The following RGS6 variants were observed in gnomAD, a reference collection of about 807,000 sequenced individuals.
RGS6 encodes the protein regulator of G protein signaling 6.
Under a neutral mutation model 78.5 loss-of-function variants are expected in RGS6, and 30 were observed. The observed-to-expected ratio is 0.38, with a 90% CI of 0.29 to 0.52. The LOEUF is 0.52. Among genes scored for constraint, RGS6 ranks in the 20% least tolerant of loss-of-function variants. RGS6 has a pLI of 0.85. For synonymous variants in RGS6, 206 were observed against 206.0 expected (o/e 1.00, Z 0.00); for missense variants, 495 against 609.7 (o/e 0.81, Z 1.98).
At chr14:71,867,617 G>A in the RGS6 span, among the ~76,000 whole-genome samples, 5 of 152,178 alleles carry the variant, frequency 3.3e-5, no homozygotes, top group African/African-American at 1.2e-4. Context: ...GAATGTCTTC[G>A]AGAGGGGTAG....
At chr14:72,592,598 C>A in the RGS6 span, among the ~76,000 whole-genome samples, 3 of 152,202 alleles carry the variant, frequency 2.0e-5, no homozygotes, top group African/African-American at 4.8e-5. Context: ...AATGGTCTGG[C>A]TTTTCAAGAT....
intron 2 of RGS6, among the ~76,000 whole-genome samples, chr14:72,348,052 A>T (rs1328356831): frequency 6.6e-6 from 1 of 152,224 alleles, no homozygotes; most frequent in Non-Finnish European, 1.5e-5. Flanking sequence ...TAACCTTGGC[A>T]TATGGCGCTG....
chr14:72,193,128 G>A (rs947751129), intron 2 of RGS6, among the ~76,000 whole-genome samples: 1 of 151,994 alleles, frequency 6.6e-6, no homozygotes, highest in African/African-American at 2.4e-5. Context: ...CAAGTAGCTG[G>A]GACTACAGAC....
chr14:71,984,484 GA>G (rs370779936), intron 2 of RGS6, among the ~76,000 whole-genome samples: 8 of 117,432 alleles, frequency 6.8e-5, no homozygotes, highest in Non-Finnish European at 9.8e-5. Flanking sequence ...GTCTCAAAAA[GA>G]AAAAAAAAAA....
At chr14:72,396,282 G>A (rs1194286690) in intron 3 of RGS6, among the ~76,000 whole-genome samples, 1 of 152,162 alleles carries the variant, frequency 6.6e-6, no homozygotes, top group Non-Finnish European at 1.5e-5. Context: ...TTTCTCTGAT[G>A]GCCAGTGATG....
intron 2 of RGS6, among the ~76,000 whole-genome samples, chr14:72,118,269 C>T (rs2095956444): frequency 6.6e-6 from 1 of 152,012 alleles, no homozygotes. Context: ...GCTAAAATAC[C>T]CTCCTGTCCA....
intron 2 of RGS6, among the ~76,000 whole-genome samples, chr14:72,261,216 T>C (rs1000744404): frequency 6.6e-6 from 1 of 152,260 alleles, no homozygotes; most frequent in Non-Finnish European, 1.5e-5. Flanking sequence ...GCCAAGAGAA[T>C]TGAAAACAGC....
intron 17 of RGS6, among the ~76,000 whole-genome samples, chr14:72,554,661 C>T (rs565845125): frequency 7.9e-5 from 12 of 152,140 alleles, no homozygotes; most frequent in African/African-American, 2.9e-4. Context: ...ATGCCACCCT[C>T]ATTCCACTCC....
downstream of RGS6, among the ~76,000 whole-genome samples, chr14:72,567,150 A>G (rs1054884529): frequency 6.6e-6 from 1 of 152,232 alleles, no homozygotes; most frequent in Admixed American, 6.5e-5. Flanking sequence ...TCCTAAAGGT[A>G]GAAATGATTT....
rs1487374149 is a variant in RGS6, at chr14:72,518,491, G to A, written c.1232G>A (p.Ser411Asn). ...NLDSHSYEIT[S>N]QNVKDGGRYT... is the part of the protein sequence containing the mutation. The stretch of plus-strand genomic sequence containing the variant: ...GATTCTCACAGCTATGAGATAACCA[G>A]TCAAAATGTCAAAGATGGAGGGAGA... The change falls in exon 15 of 18, where the codon AGT becomes AAT. Residue 411 changes from serine (S) to asparagine (N), a missense_variant. By Grantham distance (46) the Ser-to-Asn change is conservative. Coordinates refer to ENST00000553525, the MANE Select transcript of RGS6 (RefSeq NM_001204424.2). 2 of 1,614,202 alleles carry A rather than the reference G, an allele frequency of 1.2e-6. No homozygotes were observed. The highest frequency in any genetic ancestry group is 3.3e-5 in the Admixed American group (2 of 60,030).
chr14:72,044,816 T>G (rs1011446290), intron 2 of RGS6, among the ~76,000 whole-genome samples: 4 of 152,094 alleles, frequency 2.6e-5, no homozygotes, highest in Non-Finnish European at 5.9e-5. Context: ...GAGGTTGCAG[T>G]GAGCCGAGAT....
At chr14:72,383,031 C>G (rs2152898926) in intron 3 of RGS6, among the ~76,000 whole-genome samples, 1 of 151,428 alleles carries the variant, frequency 6.6e-6, no homozygotes, top group South Asian at 2.1e-4. Context: ...CTTCTTTTTA[C>G]TGGGTGGTGG....
At chr14:71,872,289 A>G in the RGS6 span, among the ~76,000 whole-genome samples, 1 of 152,152 alleles carries the variant, frequency 6.6e-6, no homozygotes, top group Non-Finnish European at 1.5e-5. Flanking sequence ...TCTGCTGCTG[A>G]CACTCCTACC....
At chr14:72,206,712 G>A (rs769251137) in intron 2 of RGS6, among the ~76,000 whole-genome samples, 4 of 152,158 alleles carry the variant, frequency 2.6e-5, no homozygotes, top group Non-Finnish European at 4.4e-5. Flanking sequence ...AGACTCATTC[G>A]CTATCATGAG....
chr14:72,126,465 G>A (rs1301634932), intron 2 of RGS6, among the ~76,000 whole-genome samples: 2 of 152,226 alleles, frequency 1.3e-5, no homozygotes, highest in East Asian at 3.9e-4. Context: ...CAGCATAGAT[G>A]TCTTACACTT....
At position 72,397,947 on chromosome 14, in the gene RGS6, G is replaced by A. The variant is rs142203790; in HGVS notation, c.184+45753G>A. Among the ~76,000 whole-genome samples, 5,015 of 152,248 alleles carry A rather than the reference G, an allele frequency of 0.033. 400 individuals carry two copies. In the East Asian group the frequency reaches 0.34, roughly 10 times the overall value. On this transcript the variant is annotated intron_variant, in intron 3 of 17. Coordinates refer to ENST00000553525, the MANE Select transcript of RGS6 (RefSeq NM_001204424.2). ...GCTTTTTGATGTGCTGCTGGATTCG[G>A]TTTGCCAGTATTTTACCGAGAATTT...
At chr14:72,306,684 A>C (rs999514760) in intron 2 of RGS6, among the ~76,000 whole-genome samples, 3 of 152,226 alleles carry the variant, frequency 2.0e-5, no homozygotes, top group African/African-American at 7.2e-5. Flanking sequence ...AAGAACTAGA[A>C]TTAGAAGCAG....
the RGS6 span, among the ~76,000 whole-genome samples, chr14:72,575,770 C>T: frequency 1.3e-5 from 2 of 152,206 alleles, no homozygotes; most frequent in African/African-American, 4.8e-5. Context: ...TCAAAACATC[C>T]ATAATGTGCA....
intron 15 of RGS6, among the ~76,000 whole-genome samples, chr14:72,534,432 G>C (rs890029703): frequency 6.6e-6 from 1 of 152,202 alleles, no homozygotes; most frequent in African/African-American, 2.4e-5. Flanking sequence ...CCTTACATAA[G>C]TGAAGACAAG....
Sources: allele counts gnomAD v4.1 joint callset (sites outside exome capture counted in the v4.1 genomes callset), GRCh38; gene constraint gnomAD v4.1.1; transcripts MANE v1.5; gene names NCBI Gene and HGNC (gene_info 2026-07-23, HGNC 2026-07-21).